ELAPOR2: variants seen among roughly 807,000 people sequenced by gnomAD.
The protein encoded by ELAPOR2 is endosome/lysosome-associated apoptosis and autophagy regulator family member 2.
Under a neutral mutation model 120.7 loss-of-function variants are expected in ELAPOR2, and 89 were observed. The observed-to-expected ratio is 0.74, with a 90% confidence interval of 0.62 to 0.88. ELAPOR2 has a LOEUF of 0.88. Among genes scored for constraint, ELAPOR2 ranks in the 40% least tolerant of loss-of-function variants. ELAPOR2 has a pLI of 0.00. For synonymous variants in ELAPOR2, 444 were observed against 444.9 expected, an observed-to-expected ratio of 1.00 and a Z score of 0.03; for missense variants, 1,134 against 1,251.6, an observed-to-expected ratio of 0.91 and a Z score of 1.42.
At chr7:87,040,217 C>A (rs1321767039) in intron 1 of ELAPOR2, among the ~76,000 whole-genome samples, 2 of 152,260 alleles carry the variant, frequency 1.3e-5, no homozygotes, top group Admixed American at 6.5e-5. Flanking sequence ...ATTGCCCAGG[C>A]TTGCTTAGGT....
At chr7:86,948,710 T>C (rs1458914763) in intron 2 of ELAPOR2, among the ~76,000 whole-genome samples, 2 of 151,358 alleles carry the variant, frequency 1.3e-5, no homozygotes, top group Non-Finnish European at 2.9e-5. Context: ...GATACGACAA[T>C]GTGAAGAATA....
intron 1 of ELAPOR2, among the ~76,000 whole-genome samples, chr7:86,981,287 C>T (rs749114228): frequency 3.4e-4 from 52 of 152,314 alleles, no homozygotes; most frequent in Admixed American, 4.6e-4. Flanking sequence ...ATACATCTCA[C>T]GCCACTCTCT....
chr7:86,954,694 T>C (rs1791399551), intron 2 of ELAPOR2, among the ~76,000 whole-genome samples: 1 of 152,100 alleles, frequency 6.6e-6, no homozygotes, highest in South Asian at 2.1e-4. Context: ...TCTCACTAAG[T>C]ATAAATTCAT....
chr7:87,012,143 G>A (rs1793705925), intron 1 of ELAPOR2, among the ~76,000 whole-genome samples: 1 of 152,178 alleles, frequency 6.6e-6, no homozygotes, highest in Non-Finnish European at 1.5e-5. Context: ...CGGGCGTGGT[G>A]GCTCACACCT....
Position 87,059,406 on chromosome 7 carries a change from G to T in ELAPOR2, c.108C>A (p.Cys36Ter). The T allele has an allele frequency of 8.1e-7, 1 of 1,241,538 alleles. No individual in the cohort carries two copies. Among genetic ancestry groups the T allele is most frequent in the Non-Finnish European group, 1.0e-6 (1 of 987,404 alleles). 76.9% of individuals were successfully genotyped at this position (1,241,538 alleles called of 1,614,324 possible). The change falls in exon 1 of 22, where the codon TGC (cysteine) becomes TGA (stop). Residue 36 changes from cysteine (C) to a stop codon, truncating the protein, a stop_gained. Transcript: ENST00000450689. LOFTEE classifies it high-confidence loss of function. ...CCGCCTGGCAGCCGGCGAGCGCCCA[G>T]CAGCAAATCCAGGCGGGGCTCCAGG... ...SPPWSPAWICCWALAGCQAAW... is the reference protein window; with the variant it reads ...SPPWSPAWIC
Position 87,041,145 on chromosome 7 carries a change from C to T in ELAPOR2, c.189+18180G>A, listed in dbSNP as rs190255232. ...ACCAAATCTATGTCTGATTGGTGTA[C>T]CTGAAAGGGATGGGCAGAATGGAAC... On this transcript the variant is annotated intron_variant, in intron 1 of 21. Transcript: ENST00000450689. Among the ~76,000 whole-genome samples the T allele has an allele frequency of 6.2e-3, 948 of 151,712 alleles. 9 individuals carry two copies. The highest frequency in any genetic ancestry group is 0.022 in the African/African-American group (909 of 41,044).
chr7:87,020,037 C>T (rs1793989771), intron 1 of ELAPOR2, among the ~76,000 whole-genome samples: 1 of 151,972 alleles, frequency 6.6e-6, no homozygotes, highest in African/African-American at 2.4e-5. Context: ...TTTCTTATAA[C>T]ACATCAGAAA....
intron 1 of ELAPOR2, among the ~76,000 whole-genome samples, chr7:87,011,916 G>C (rs1234159461): frequency 6.6e-6 from 1 of 152,016 alleles, no homozygotes; most frequent in African/African-American, 2.4e-5. Context: ...GTAATTTTAA[G>C]TTTTCTAGTA....
At chr7:87,057,467 A>T (rs775796589) in intron 1 of ELAPOR2, among the ~76,000 whole-genome samples, 7 of 152,234 alleles carry the variant, frequency 4.6e-5, no homozygotes. Context: ...GTGCATTAAC[A>T]TTTATAAAAA....
intron 18 of ELAPOR2, among the ~76,000 whole-genome samples, chr7:86,907,336 A>T (rs1789068069): frequency 6.6e-6 from 1 of 152,088 alleles, no homozygotes; most frequent in Admixed American, 6.6e-5. Flanking sequence ...GAAAGCTACT[A>T]ATCCAGCTCT....
rs985413610 is a variant in ELAPOR2, at chr7:87,059,482, C to A, written c.32G>T (p.Gly11Val). MLFRARGPVRGRGWGRPAEAP... is the reference protein window; with the variant it reads MLFRARGPVRVRGWGRPAEAP... ...CTCCGCCGGCCGCCCCCAGCCCCTGCCCCGTACCGGCCCCCGGGCGCGGAA... is the reference window on the plus strand; with the variant it reads ...CTCCGCCGGCCGCCCCCAGCCCCTGACCCGTACCGGCCCCCGGGCGCGGAA... Residue 11 changes from glycine to valine, a missense_variant, in exon 1 of 22, where the codon GGC (glycine) becomes GTC (valine). By Grantham distance (109) the Gly-to-Val change is moderately radical. Coordinates refer to ENST00000450689, the MANE Select transcript of ELAPOR2 (RefSeq NM_001142749.3). 2.5e-6 allele frequency: 3 copies of A among 1,212,442 alleles called. No individual in the cohort carries two copies. The highest frequency in any genetic ancestry group is 3.1e-6 in the Non-Finnish European group (3 of 974,214). The allele number at this position is 1,212,442 out of a possible 1,614,324, so 75.1% of individuals were successfully genotyped here.
chr7:86,986,247 G>C lies in ELAPOR2; in HGVS notation c.190-21223C>G, dbSNP rs1480321524. On this transcript the variant is annotated intron_variant, in intron 1 of 21. Coordinates refer to ENST00000450689, the MANE Select transcript of ELAPOR2 (RefSeq NM_001142749.3). ...GATCGAGACCATCCCGGCTAAAATGGTGAAACCCCGTCTCTACTAAAAATA... is the reference window on the plus strand; with the variant it reads ...GATCGAGACCATCCCGGCTAAAATGCTGAAACCCCGTCTCTACTAAAAATA... Among the ~76,000 whole-genome samples the C allele has an allele frequency of 5.0e-5, 6 of 119,066 alleles. 1 individual carries two copies. The highest frequency in any genetic ancestry group is 4.7e-4 in the South Asian group (2 of 4,212). 78.1% of individuals were successfully genotyped at this position (119,066 alleles called of 152,430 possible). A position where few individuals can be genotyped will look rare whatever the true frequency, so the allele number is the denominator to read the frequency against.
chr7:87,045,501 C>T (rs946645976), intron 1 of ELAPOR2, among the ~76,000 whole-genome samples: 32 of 150,706 alleles, frequency 2.1e-4, no homozygotes, highest in East Asian at 5.8e-4. Context: ...AGTAAACTAT[C>T]GCAAGAACAA....
intron 10 of ELAPOR2, among the ~76,000 whole-genome samples, chr7:86,923,504 AC>A (rs1789920065): frequency 6.6e-6 from 1 of 152,042 alleles, no homozygotes; most frequent in Non-Finnish European, 1.5e-5. Context: ...ATTTAACCAT[AC>A]CCCATTATTG....
intron 2 of ELAPOR2, among the ~76,000 whole-genome samples, chr7:86,958,958 C>T (rs150596053): frequency 2.4e-4 from 37 of 152,244 alleles, no homozygotes; most frequent in African/African-American, 8.9e-4. Flanking sequence ...TTCCAATCTA[C>T]GAGCATGGGA....
At chr7:87,017,250 T>C (rs1793898995) in intron 1 of ELAPOR2, among the ~76,000 whole-genome samples, 1 of 152,188 alleles carries the variant, frequency 6.6e-6, no homozygotes, top group Non-Finnish European at 1.5e-5. Flanking sequence ...TATCTAAAAA[T>C]AAATATCTAA....
chr7:86,893,298 T>C (rs929888984), intron 19 of ELAPOR2, among the ~76,000 whole-genome samples, 198 bp from the exon 20 acceptor site: 2 of 151,718 alleles, frequency 1.3e-5, no homozygotes, highest in Non-Finnish European at 2.9e-5. Flanking sequence ...AAAAAATATA[T>C]GTGAATGAAT....
At chr7:86,998,691 G>A (rs1031343342) in intron 1 of ELAPOR2, among the ~76,000 whole-genome samples, 13 of 152,264 alleles carry the variant, frequency 8.5e-5, no homozygotes, top group African/African-American at 1.2e-4. Context: ...AGCATCCTCC[G>A]AGTTGAGACC....
At chr7:86,918,323 CAAAAAAAAAAAAA>C (rs370415220) in intron 12 of ELAPOR2, 106 bp downstream of exon 12, 17 of 173,946 alleles carry the variant, frequency 9.8e-5, no homozygotes, top group African/African-American at 3.7e-4. Flanking sequence ...CTAAGAATAG[CAAAAAAAAAAAAA>C]AAAAAAAAAA....
Sources: gnomAD v4.1 joint callset for allele counts (sites outside exome capture counted in the v4.1 genomes callset) on GRCh38, gnomAD v4.1.1 for gene constraint, MANE v1.5 for transcripts, NCBI Gene and HGNC (gene_info 2026-07-23, HGNC 2026-07-21) for gene names.